Variants in RNF170 observed in about 807,000 individuals in gnomAD.
RNF170 encodes ring finger protein 170.
In RNF170, 12 loss-of-function variants were observed where a neutral mutation model predicts 32.7. The ratio of observed to expected loss-of-function variants is 0.37; its 90% CI spans 0.24 to 0.60. The LOEUF (loss-of-function observed/expected upper bound fraction) is 0.60. Among genes scored for constraint, RNF170 ranks in the 20% least tolerant of loss-of-function variants. The pLI, the probability that RNF170 is intolerant of heterozygous loss-of-function variation, is 0.72. For synonymous variants in RNF170, 91 were observed against 103.6 expected (o/e 0.88, Z 0.74); for missense variants, 212 against 311.2 (o/e 0.68, Z 2.40).
At position 42,870,954 on chromosome 8, in the gene RNF170, AC is replaced by A. The variant is rs368028157; in HGVS notation, c.214-843del. On this transcript the variant is annotated intron_variant, in intron 3 of 6. Coordinates refer to ENST00000527424, the MANE Select transcript of RNF170 (RefSeq NM_030954.4). Reference sequence around the variant, plus strand: ...CCGGGCACGGTGGCTCACACCTGTAACCCCAGCACTTTGGGTGGCTGAGGTG... The same window carrying A: ...CCGGGCACGGTGGCTCACACCTGTAACCCAGCACTTTGGGTGGCTGAGGTG... Among the ~76,000 whole-genome samples the A allele has an allele frequency of 9.9e-5, 15 of 152,088 alleles. No individual in the cohort carries two copies. In the East Asian group the frequency reaches 2.9e-3, roughly 29 times the overall value.
Position 42,855,554 on chromosome 8 carries a change from T to C in RNF170, c.*605A>G. The C allele has an allele frequency of 1.6e-6, 2 of 1,283,106 alleles. No individual in the cohort carries two copies. The highest frequency in any genetic ancestry group is 2.0e-6 in the Non-Finnish European group (2 of 984,724). The allele number at this position is 1,283,106 out of a possible 1,614,324, so 79.5% of individuals were successfully genotyped here. On this transcript the variant is annotated 3_prime_UTR_variant, in exon 7 of 7. Transcript: ENST00000527424. ...CTTCTATTGATTAAAATGTGTTCTG[T>C]AAACTAGAATATGATATCGAAGTAT...
At position 42,861,853 on chromosome 8, in the gene RNF170, T is replaced by C. The variant is rs370324064; in HGVS notation, c.399A>G (p.Val133=). The change falls in exon 6 of 7, where the codon GTA becomes GTG. Residue 133 remains valine (V), a splice_region_variant and synonymous_variant. Transcript: ENST00000527424. ...AISCPICRQT[V]TLLLTVFGED... is the part of the protein sequence containing the mutation. ...CACCAAATACTGTTAGGAGTAAGGT[T>C]ACCTGTATATTACAGAAAAAAAAAT... The C allele has an allele frequency of 6.2e-7, 1 of 1,611,702 alleles. No homozygotes were observed. Among genetic ancestry groups the C allele is most frequent in the African/African-American group, 1.3e-5 (1 of 74,968 alleles).
intron 3 of RNF170, 120 bp from the exon 4 acceptor site, chr8:42,870,232 G>A (rs1040177545): frequency 3.5e-5 from 26 of 737,824 alleles, no homozygotes; most frequent in South Asian, 1.3e-4. Context: ...AACTGTAAAC[G>A]TGCAATAGTT....
chr8:42,874,424 C>G (rs1455398031), intron 2 of RNF170, among the ~76,000 whole-genome samples: 1 of 152,080 alleles, frequency 6.6e-6, no homozygotes, highest in Non-Finnish European at 1.5e-5. Context: ...GGGAACAGAG[C>G]AGAAACTAAA....
At chr8:42,884,143 T>A (rs1269583784) in intron 2 of RNF170, among the ~76,000 whole-genome samples, 1 of 151,998 alleles carries the variant, frequency 6.6e-6, no homozygotes, top group Non-Finnish European at 1.5e-5. Context: ...TACAGTGGCG[T>A]GATCTCGGCT....
chr8:42,896,154 G>A (rs1806824127), intron 1 of RNF170: 3 of 212,454 alleles, frequency 1.4e-5, no homozygotes, highest in African/African-American at 4.8e-5. Flanking sequence ...ACGGATTGGC[G>A]AGCGGGCGCA....
chr8:42,881,920 G>GT (rs1805443973), intron 2 of RNF170, among the ~76,000 whole-genome samples: 1 of 152,038 alleles, frequency 6.6e-6, no homozygotes, highest in South Asian at 2.1e-4. Flanking sequence ...GGGCAACAGA[G>GT]TAAGACCCTA....
intron 1 of RNF170, among the ~76,000 whole-genome samples, chr8:42,892,505 A>G (rs1806384048): frequency 6.6e-6 from 1 of 152,170 alleles, no homozygotes; most frequent in Non-Finnish European, 1.5e-5. Context: ...TACAGAATCC[A>G]CAAGTGACTA....
downstream of RNF170, chr8:42,850,332 G>A (rs1474064617): frequency 2.5e-5 from 5 of 203,252 alleles, no homozygotes; most frequent in African/African-American, 1.2e-4. Context: ...CACTTGAGAT[G>A]ATCATCGGGC....
At chr8:42,873,601 T>C (rs1024843783) in intron 3 of RNF170, among the ~76,000 whole-genome samples, 1 of 152,172 alleles carries the variant, frequency 6.6e-6, no homozygotes, top group African/African-American at 2.4e-5. Flanking sequence ...TCTTTGTAGA[T>C]ATTAAGGAGT....
rs1456049378 is a variant in RNF170, at chr8:42,853,634, A to G, written c.*2525T>C. On this transcript the variant is annotated 3_prime_UTR_variant, in exon 7 of 7. Coordinates refer to ENST00000527424, the MANE Select transcript of RNF170 (RefSeq NM_030954.4). Reference sequence around the variant, plus strand: ...TTGTTTAAAAAAAATCCAAATTGTTACTTTGATTTATATGATCTAACTCTG... The same window carrying G: ...TTGTTTAAAAAAAATCCAAATTGTTGCTTTGATTTATATGATCTAACTCTG... The G allele has an allele frequency of 2.4e-5, 31 of 1,283,770 alleles. No homozygotes were observed. The highest frequency in any genetic ancestry group is 3.1e-5 in the Non-Finnish European group (31 of 986,464). The allele number at this position is 1,283,770 out of a possible 1,614,324, so 79.5% of individuals were successfully genotyped here.
chr8:42,883,268 C>T (rs1375795464), intron 2 of RNF170, among the ~76,000 whole-genome samples: 2 of 151,826 alleles, frequency 1.3e-5, no homozygotes, highest in Admixed American at 1.3e-4. Flanking sequence ...ATGTAAAAGA[C>T]CTGCACACAC....
chr8:42,862,769 C>A (rs1282525079), intron 5 of RNF170, among the ~76,000 whole-genome samples: 1 of 152,210 alleles, frequency 6.6e-6, no homozygotes, highest in African/African-American at 2.4e-5. Flanking sequence ...AAAATGCATT[C>A]TTTCAATACA....
chr8:42,896,438 C>T (rs1048026504), intron 1 of RNF170, 46 bp downstream of exon 1: 2 of 452,538 alleles, frequency 4.4e-6, no homozygotes, highest in African/African-American at 2.0e-5. Context: ...TCCGCGGCTC[C>T]GCGGGCCCCG....
chr8:42,895,295 C>A (rs1806693245), intron 1 of RNF170, among the ~76,000 whole-genome samples: 1 of 152,062 alleles, frequency 6.6e-6, no homozygotes, highest in Non-Finnish European at 1.5e-5. Flanking sequence ...AGAACGAGAC[C>A]CTTTCTCAAA....
At chr8:42,891,813 A>G (rs572071617) in intron 1 of RNF170, among the ~76,000 whole-genome samples, 2 of 152,264 alleles carry the variant, frequency 1.3e-5, no homozygotes, top group Admixed American at 6.5e-5. Context: ...AGAGTTTCGG[A>G]ATAGAGAAAA....
At chr8:42,863,668 T>C (rs1011415994) in intron 5 of RNF170, among the ~76,000 whole-genome samples, 1 of 152,156 alleles carries the variant, frequency 6.6e-6, no homozygotes, top group Non-Finnish European at 1.5e-5. Context: ...TCTTGATCTC[T>C]TGACCTTGTG....
At position 42,856,495 on chromosome 8, in the gene RNF170, T is replaced by C. The variant is rs1803253374; in HGVS notation, c.508-67A>G. 1.2e-5 allele frequency: 13 copies of C among 1,130,038 alleles called. No individual in the cohort carries two copies. The South Asian group carries it at 1.7e-4, about 15-fold the overall frequency. The allele number at this position is 1,130,038 out of a possible 1,614,324, so 70.0% of individuals were successfully genotyped here. ...GTGTCAGATTTCAAAATAATATAAT[T>C]TTCTTACTATATGTAAACATTGTTA... On this transcript the variant is annotated intron_variant, in intron 6 of 6. Transcript: ENST00000527424.
intron 4 of RNF170, among the ~76,000 whole-genome samples, chr8:42,866,556 C>T (rs1804096356): frequency 6.6e-6 from 1 of 151,384 alleles, no homozygotes; most frequent in South Asian, 2.1e-4. Flanking sequence ...TGCACTATAG[C>T]CGGCTGACAG....
Sources: gnomAD v4.1 joint callset for allele counts (sites outside exome capture counted in the v4.1 genomes callset) on GRCh38, gnomAD v4.1.1 for gene constraint, MANE v1.5 for transcripts, NCBI Gene and HGNC (gene_info 2026-07-23, HGNC 2026-07-21) for gene names.